Variants in STX16 observed in about 807,000 individuals in gnomAD.
STX16 encodes the protein syntaxin-16.
Under a neutral mutation model 42.7 loss-of-function variants are expected in STX16, and 28 were observed. The observed-to-expected ratio is 0.66, with a 90% CI of 0.49 to 0.90. The LOEUF (loss-of-function observed/expected upper bound fraction) is 0.90. Ranked by LOEUF, STX16 falls within the 40% of genes least tolerant of loss-of-function variation. The pLI is 0.00. For missense variants in STX16, 361 were observed against 420.9 expected (o/e 0.86, Z 1.24); for synonymous variants, 156 against 155.2 (o/e 1.00, Z -0.04).
rs1284489942 is a variant in STX16, at chr20:58,671,425, TATGTGTGTGTGGG to T, written c.792+129_792+141del. 289 of 467,592 alleles carry T rather than the reference TATGTGTGTGTGGG, an allele frequency of 6.2e-4. 14 individuals carry two copies. Among genetic ancestry groups the T allele is most frequent in the African/African-American group, 4.6e-3 (80 of 17,474 alleles). 29.0% of individuals were successfully genotyped at this position (467,592 alleles called of 1,614,324 possible). A position where few individuals can be genotyped will look rare whatever the true frequency, so the allele number is the denominator to read the frequency against. On this transcript the variant is annotated intron_variant, in intron 7 of 8. Coordinates refer to ENST00000371141, the MANE Select transcript of STX16 (RefSeq NM_001001433.3). Reference sequence around the variant, plus strand: ...CCAACATGTGTGTGCACCTGTCCTTTATGTGTGTGTGGGTGTGTGTGTGTGTGTGTGTGTGTGT... The same window carrying T: ...CCAACATGTGTGTGCACCTGTCCTTTTGTGTGTGTGTGTGTGTGTGTGTGT...
intron 4 of STX16, among the ~76,000 whole-genome samples, 192 bp downstream of exon 4, chr20:58,668,319 G>GT (rs897302719): frequency 1.4e-4 from 22 of 152,196 alleles, no homozygotes; most frequent in Admixed American, 1.2e-3. Context: ...TATGGGGACT[G>GT]TTTTTCAATT....
At chr20:58,652,218 T>C in intron 1 of STX16, 80 bp downstream of exon 1, 2 of 1,579,496 alleles carry the variant, frequency 1.3e-6, no homozygotes, top group Non-Finnish European at 1.7e-6. Flanking sequence ...TGTCTGTCTC[T>C]CTGTTTAAAA....
At chr20:58,671,332 C>T (rs2122999676) in intron 7 of STX16, 35 bp downstream of exon 7, 1 of 1,578,050 alleles carries the variant, frequency 6.3e-7, no homozygotes, top group Non-Finnish European at 8.6e-7. Context: ...AATAGGTTTT[C>T]CTGCCATACT....
chr20:58,652,294 T>C, intron 1 of STX16, 156 bp downstream of exon 1: 1 of 1,095,706 alleles, frequency 9.1e-7, no homozygotes, highest in Non-Finnish European at 1.3e-6. Flanking sequence ...GGGGCATCTG[T>C]AGCCCTGGAT....
chr20:58,661,787 A>G (rs952014498), intron 2 of STX16, among the ~76,000 whole-genome samples: 1 of 152,178 alleles, frequency 6.6e-6, no homozygotes, highest in East Asian at 1.9e-4. Flanking sequence ...AGGGCCTCAC[A>G]TTGGCATCTC....
chr20:58,654,075 T>A (rs1438743890), intron 1 of STX16, among the ~76,000 whole-genome samples: 1 of 152,184 alleles, frequency 6.6e-6, no homozygotes, highest in Non-Finnish European at 1.5e-5. Context: ...CAGATACATT[T>A]AGCTAACTCA....
At position 58,657,766 on chromosome 20, in the gene STX16, A is replaced by C. The variant is rs6026433; in HGVS notation, c.133-1857A>C. On this transcript the variant is annotated intron_variant, in intron 1 of 8. Coordinates refer to ENST00000371141, the MANE Select transcript of STX16 (RefSeq NM_001001433.3). This position sits in a 1 kb window ranked among gnomAD's most constrained non-coding sequence, Gnocchi z 4.2. ...AATTTGGTGGCAGACAGAATTTTGA[A>C]AGCCTTCTATTTTTAAATAGCAGAA... Among the ~76,000 whole-genome samples the C allele has an allele frequency of 6.3e-3, 953 of 152,310 alleles. 4 individuals carry two copies. Among genetic ancestry groups the C allele is most frequent in the Middle Eastern group, 0.044 (13 of 294 alleles).
At chr20:58,671,594 G>C (rs895942849) in intron 7 of STX16, among the ~76,000 whole-genome samples, 17 of 151,644 alleles carry the variant, frequency 1.1e-4, no homozygotes, top group Non-Finnish European at 2.2e-4. Context: ...GAGGAGTGTG[G>C]TGCTTTGAGA....
At chr20:58,669,546 C>A in intron 5 of STX16, 93 bp downstream of exon 5, 1 of 1,397,356 alleles carries the variant, frequency 7.2e-7, no homozygotes. Flanking sequence ...TAGTCCAGTA[C>A]CTTTCATTGT....
At chr20:58,667,853 G>T in intron 3 of STX16, 134 bp from the exon 4 acceptor site, 1 of 1,200,000 alleles carries the variant, frequency 8.3e-7, no homozygotes, top group Non-Finnish European at 1.2e-6. Context: ...CTGGTAATTT[G>T]AATTAAAAGC....
Position 58,652,071 on chromosome 20 carries a change from A to G in STX16, c.65A>G (p.Gln22Arg), listed in dbSNP as rs2083469365. The G allele has an allele frequency of 3.1e-6, 5 of 1,614,214 alleles. No homozygotes were observed. Among genetic ancestry groups the G allele is most frequent in the Non-Finnish European group, 3.4e-6 (4 of 1,180,024 alleles). The change falls in exon 1 of 9, where the codon CAG becomes CGG. Residue 22 changes from glutamine (Q) to arginine (R), a missense_variant. By Grantham distance (43) the Gln-to-Arg change is conservative (BLOSUM62 1). Coordinates refer to ENST00000371141, the MANE Select transcript of STX16 (RefSeq NM_001001433.3). ...LLRNNSIQNR[Q>R]LLAEQVSSHI... ...CGGAATAATTCCATCCAAAACCGGC[A>G]GCTGTTAGCCGAGCAAGTGAGTAGT...
At chr20:58,674,240 T>G (rs2084049717) in intron 8 of STX16, among the ~76,000 whole-genome samples, 1 of 152,188 alleles carries the variant, frequency 6.6e-6, no homozygotes, top group Admixed American at 6.5e-5. Context: ...GTGAGAGTAG[T>G]AATTCTTTTA....
Position 58,669,382 on chromosome 20 carries a change from T to A in STX16, c.485T>A (p.Val162Glu), listed in dbSNP as rs368945834. 1.6e-5 allele frequency: 26 copies of A among 1,611,934 alleles called. No individual in the cohort carries two copies. In the South Asian group the frequency reaches 2.2e-4, roughly 14 times the overall value. ...EQEGRLLGNV[V>E]ASLAQALQEL... ...GAGGGGCGGCTGCTTGGGAACGTGG[T>A]GGCCTCGCTGGCGCAGGCCCTGCAG... Residue 162 changes from valine to glutamate, a missense_variant, in exon 5 of 9, where the codon GTG becomes GAG. By Grantham distance (121) the Val-to-Glu change is moderately radical. Coordinates refer to ENST00000371141, the MANE Select transcript of STX16 (RefSeq NM_001001433.3).
At chr20:58,660,198 C>T (rs1388704023) in intron 2 of STX16, among the ~76,000 whole-genome samples, 1 of 152,084 alleles carries the variant, frequency 6.6e-6, no homozygotes, top group Non-Finnish European at 1.5e-5. Context: ...TAGCATCTTG[C>T]CCAGAAGGTG....
chr20:58,673,757 A>G (rs770872390), intron 8 of STX16, 46 bp downstream of exon 8: 2 of 1,377,126 alleles, frequency 1.5e-6, no homozygotes, highest in Non-Finnish European at 2.1e-6. Flanking sequence ...CTATTTTCAA[A>G]TAATCAAGAA....
chr20:58,674,363 G>A (rs534244141), intron 8 of STX16, among the ~76,000 whole-genome samples: 1 of 152,234 alleles, frequency 6.6e-6, no homozygotes, highest in South Asian at 2.1e-4. Flanking sequence ...ATGCATAAAC[G>A]GCTGAGACTC....
intron 1 of STX16, among the ~76,000 whole-genome samples, chr20:58,654,080 A>G (rs1205573023): frequency 1.3e-5 from 2 of 152,210 alleles, no homozygotes; most frequent in Non-Finnish European, 2.9e-5. Flanking sequence ...ACATTTAGCT[A>G]ACTCACAGTT....
chr20:58,661,586 C>A (rs1215862166), intron 2 of STX16, among the ~76,000 whole-genome samples: 2 of 152,244 alleles, frequency 1.3e-5, no homozygotes, highest in Non-Finnish European at 2.9e-5. Context: ...TTATCTTTTT[C>A]ATGAAGTGTG....
chr20:58,656,060 G>A (rs2083578666), intron 1 of STX16, among the ~76,000 whole-genome samples: 1 of 152,170 alleles, frequency 6.6e-6, no homozygotes, highest in Non-Finnish European at 1.5e-5. Context: ...TTGAATCTGA[G>A]AATTGAGGCC....
Sources: allele counts gnomAD v4.1 joint callset (sites outside exome capture counted in the v4.1 genomes callset), GRCh38; gene constraint gnomAD v4.1.1; non-coding constraint Gnocchi (gnomAD v3.1); transcripts MANE v1.5; gene names NCBI Gene and HGNC (gene_info 2026-07-23, HGNC 2026-07-21).